The following USP47 variants were observed in gnomAD, a reference collection of about 807,000 sequenced individuals.
USP47 encodes the protein ubiquitin specific peptidase 47, also known as ubiquitin carboxyl-terminal hydrolase 47.
USP47 carries 35 observed loss-of-function variants against 165.1 expected under a neutral mutation model. The observed-to-expected ratio is 0.21, with a 90% CI of 0.16 to 0.28. The LOEUF is 0.28. USP47 is among the 10% of genes least tolerant of loss of function. The pLI is 1.00. For synonymous variants in USP47, 531 were observed against 544.5 expected, an observed-to-expected ratio of 0.98 and a Z score of 0.35; for missense variants, 1,277 against 1,607.4, an observed-to-expected ratio of 0.79 and a Z score of 3.52.
intron 1 of USP47, among the ~76,000 whole-genome samples, chr11:11,857,463 G>T (rs1370597041): frequency 6.6e-6 from 1 of 152,052 alleles, no homozygotes; most frequent in Non-Finnish European, 1.5e-5. Context: ...TTTACCTTTA[G>T]TTATTTACCA....
rs1183224069 is a variant in USP47 at position 11,897,703 on chromosome 11, CA to C, written c.593+17del. 5.8e-6 allele frequency: 9 copies of C among 1,538,530 alleles called. No homozygotes were observed. The highest frequency in any genetic ancestry group is 1.9e-5 in the Admixed American group (1 of 51,820). ...GGAATGCATTATATAAGTGAGTATT[CA>C]AAAAAATTGTATACATAAAATTGAT... On this transcript the variant is annotated intron_variant, in intron 5 of 27. Transcript: ENST00000527733.
Position 11,842,040 on chromosome 11 carries a change from C to T in USP47, c.-146C>T. The T allele has an allele frequency of 1.0e-6, 1 of 1,003,558 alleles. No individual in the cohort carries two copies. The highest frequency in any genetic ancestry group is 1.4e-6 in the Non-Finnish European group (1 of 697,862). The allele number at this position is 1,003,558 out of a possible 1,614,324, so 62.2% of individuals were successfully genotyped here. A position where few individuals can be genotyped will look rare whatever the true frequency, so the allele number is the denominator to read the frequency against. ...TGGGTCGGTGTCTGCGCGCTGGTGT[C>T]TGAGGCCCAGGCTGAGGCCTCCGCT... On this transcript the variant is annotated 5_prime_UTR_variant, in exon 1 of 28. Transcript: ENST00000527733.
At chr11:11,938,030 C>G (rs1855200710) in intron 17 of USP47, among the ~76,000 whole-genome samples, 1 of 151,920 alleles carries the variant, frequency 6.6e-6, no homozygotes. Flanking sequence ...TGATGATGAA[C>G]AAGGTGGCTT....
chr11:11,919,051 T>TCTC (rs10670294), intron 8 of USP47, among the ~76,000 whole-genome samples: 109,302 of 151,462 alleles, frequency 0.72, 40,389 homozygotes, highest in Middle Eastern at 0.9. Flanking sequence ...TTTGGTTTCT[T>TCTC]CACTTGTTTC....
rs562581480 is a variant in USP47 at position 11,876,228 on chromosome 11, C to G, written c.40-3949C>G. Among the ~76,000 whole-genome samples, 303 of 146,628 alleles carry G rather than the reference C, an allele frequency of 2.1e-3. 2 individuals carry two copies. Among genetic ancestry groups the G allele is most frequent in the African/African-American group, 7.5e-3 (290 of 38,762 alleles). On this transcript the variant is annotated intron_variant, in intron 1 of 27. Coordinates refer to ENST00000527733, the MANE Select transcript of USP47 (RefSeq NM_001282659.2). ...CTGTAGGCTTTTCTAAAATTTTACA[C>G]TTGTTTTCTCTTACCTCAGGTTCAT...
chr11:11,950,216 ATTTC>A, intron 23 of USP47, 144 bp from the exon 24 acceptor site: 1 of 706,386 alleles, frequency 1.4e-6, no homozygotes, highest in East Asian at 2.9e-5. Context: ...TACTGGAAAC[ATTTC>A]TTTATTTCCC....
At chr11:11,847,426 T>G (rs117821892) in intron 1 of USP47, among the ~76,000 whole-genome samples, 2 of 152,268 alleles carry the variant, frequency 1.3e-5, no homozygotes, top group East Asian at 3.9e-4. Context: ...CCTTCTAGAT[T>G]CAGATTTCCA....
intron 4 of USP47, among the ~76,000 whole-genome samples, chr11:11,892,375 A>ATCT (rs1564867542): frequency 2.8e-5 from 4 of 140,900 alleles, no homozygotes; most frequent in South Asian, 2.2e-4. Context: ...TTTCTTTTTA[A>ATCT]TTTTCTTTTT....
chr11:11,935,010 C>T (rs1316418858), intron 16 of USP47, among the ~76,000 whole-genome samples: 1 of 152,088 alleles, frequency 6.6e-6, no homozygotes, highest in Non-Finnish European at 1.5e-5. Context: ...GCACCAGAGT[C>T]ACATTCTTAT....
At chr11:11,845,388 A>G (rs938874275) in intron 1 of USP47, among the ~76,000 whole-genome samples, 1 of 152,096 alleles carries the variant, frequency 6.6e-6, no homozygotes, top group African/African-American at 2.4e-5. Context: ...TATCTCATTT[A>G]TGCTAAATAG....
intron 8 of USP47, among the ~76,000 whole-genome samples, chr11:11,912,918 A>G (rs900585183): frequency 6.6e-5 from 10 of 152,146 alleles, no homozygotes; most frequent in Admixed American, 2.6e-4. Context: ...TCATATGATC[A>G]TATCGATTTA....
intron 8 of USP47, among the ~76,000 whole-genome samples, chr11:11,919,147 A>G (rs539403377): frequency 9.2e-5 from 14 of 151,868 alleles, no homozygotes; most frequent in African/African-American, 3.4e-4. Context: ...ATCTTGTTCC[A>G]AAGTGAGCTC....
intron 5 of USP47, among the ~76,000 whole-genome samples, chr11:11,899,289 A>G (rs929170096): frequency 6.6e-6 from 1 of 152,212 alleles, no homozygotes; most frequent in Non-Finnish European, 1.5e-5. Flanking sequence ...TTGTTTAACC[A>G]TCTGTTTTAA....
rs558396731 is a variant in USP47 at position 11,849,015 on chromosome 11, A to G, written c.39+6791A>G. The stretch of plus-strand genomic sequence containing the variant: ...ACTATCCCCAACCACACACAAGCAC[A>G]CATTTTAACCCTGCCCAGTACTCCC... On this transcript the variant is annotated intron_variant, in intron 1 of 27. Transcript: ENST00000527733. 1.6e-3 allele frequency among the ~76,000 whole-genome samples: 249 copies of G among 152,248 alleles called. 2 individuals are homozygous for G. The highest frequency in any genetic ancestry group is 5.7e-4 in the Non-Finnish European group (39 of 68,016).
At chr11:11,928,699 G>A (rs371933498) in intron 11 of USP47, among the ~76,000 whole-genome samples, 10 of 151,894 alleles carry the variant, frequency 6.6e-5, no homozygotes, top group African/African-American at 2.4e-4. Context: ...AACTGTCTTA[G>A]GAGTTGTGAA....
chr11:11,937,318 C>T (rs749425073), intron 17 of USP47, among the ~76,000 whole-genome samples: 1 of 151,838 alleles, frequency 6.6e-6, no homozygotes, highest in African/African-American at 2.4e-5. Flanking sequence ...GAATTAGGTT[C>T]TCTGTGTTTT....
intron 1 of USP47, among the ~76,000 whole-genome samples, chr11:11,877,659 T>C (rs183661953): frequency 1.3e-5 from 2 of 152,232 alleles, no homozygotes; most frequent in Admixed American, 1.3e-4. Context: ...AATGATGAGT[T>C]AGGAAAAGCT....
At chr11:11,855,338 A>T (rs935656860) in intron 1 of USP47, among the ~76,000 whole-genome samples, 5 of 152,262 alleles carry the variant, frequency 3.3e-5, no homozygotes, top group African/African-American at 1.2e-4. Context: ...GATAATTTTG[A>T]TTTTCTGTAG....
At chr11:11,939,222 G>A (rs757072306) in intron 18 of USP47, among the ~76,000 whole-genome samples, 5 of 151,852 alleles carry the variant, frequency 3.3e-5, no homozygotes, top group South Asian at 2.1e-4. Flanking sequence ...GCATACAAAC[G>A]GCAGATTTTG....
Sources: gnomAD v4.1 joint callset for allele counts (sites outside exome capture counted in the v4.1 genomes callset) on GRCh38, gnomAD v4.1.1 for gene constraint, MANE v1.5 for transcripts, NCBI Gene and HGNC (gene_info 2026-07-23, HGNC 2026-07-21) for gene names.